Variants in DOCK7 observed in about 807,000 individuals in gnomAD.
The protein encoded by DOCK7 is dedicator of cytokinesis protein 7.
DOCK7 carries 138 observed loss-of-function variants against 271.0 expected under a neutral mutation model. The ratio of observed to expected loss-of-function variants is 0.51; its 90% CI spans 0.44 to 0.59. The LOEUF (loss-of-function observed/expected upper bound fraction) is 0.59, where lower values mean the gene tolerates loss of function less well. Ranked by LOEUF, DOCK7 falls within the 20% of genes least tolerant of loss-of-function variation. The pLI is 0.00. For missense variants in DOCK7, 2,066 were observed against 2,592.4 expected (o/e 0.80, Z 4.41); for synonymous variants, 823 against 876.1 (o/e 0.94, Z 1.07).
At chr1:62,631,509 A>G (rs971881811) in intron 10 of DOCK7, 104 bp from the exon 11 acceptor site, 11 of 1,017,290 alleles carry the variant, frequency 1.1e-5, no homozygotes, top group African/African-American at 3.3e-5. Flanking sequence ...CTCAATTCTC[A>G]GCAGAGATGA....
At chr1:62,604,499 T>C in intron 14 of DOCK7, 1 of 1,002,526 alleles carries the variant, frequency 1.0e-6, no homozygotes, top group Non-Finnish European at 1.5e-6. Context: ...TTATACAGAT[T>C]ATTTAAAACT....
intron 14 of DOCK7, among the ~76,000 whole-genome samples, chr1:62,614,847 GA>G (rs1325496450): frequency 6.6e-6 from 1 of 151,884 alleles, no homozygotes; most frequent in Non-Finnish European, 1.5e-5. Context: ...GACTTTAAGA[GA>G]AGGACTTTAA....
intron 11 of DOCK7, chr1:62,627,566 A>G (rs1654105636): frequency 6.6e-6 from 1 of 152,180 alleles, no homozygotes; most frequent in African/African-American, 2.4e-5. Flanking sequence ...ATCAATATAC[A>G]AAAGCCAATT....
intron 1 of DOCK7, among the ~76,000 whole-genome samples, chr1:62,671,813 A>T (rs1660039654): frequency 6.6e-6 from 1 of 152,130 alleles, no homozygotes; most frequent in South Asian, 2.1e-4. Context: ...AATTTTTTTA[A>T]CAGGATATAT....
intron 47 of DOCK7, among the ~76,000 whole-genome samples, chr1:62,474,969 C>T (rs972971757): frequency 2.6e-5 from 4 of 152,124 alleles, no homozygotes; most frequent in African/African-American, 9.7e-5. Context: ...ATGTACATAG[C>T]TCTGAAAATG....
chr1:62,548,013 G>A (rs569721347), intron 22 of DOCK7, among the ~76,000 whole-genome samples: 26 of 152,046 alleles, frequency 1.7e-4, no homozygotes, highest in East Asian at 5.8e-4. Flanking sequence ...CTAGTCCTGC[G>A]GTGTTAACTC....
intron 33 of DOCK7, among the ~76,000 whole-genome samples, chr1:62,512,135 T>C (rs1452345908): frequency 6.6e-6 from 1 of 152,204 alleles, no homozygotes; most frequent in East Asian, 1.9e-4. Context: ...TTACAAAACA[T>C]AGTATATAAA....
intron 16 of DOCK7, 64 bp from the exon 17 acceptor site, chr1:62,579,030 T>C: frequency 1.5e-6 from 2 of 1,342,006 alleles, no homozygotes; most frequent in Non-Finnish European, 1.9e-6. Context: ...AATGTATTTG[T>C]ATATTTGAAT....
At chr1:62,601,952 C>A in intron 14 of DOCK7, 1 of 926,740 alleles carries the variant, frequency 1.1e-6, no homozygotes, top group Non-Finnish European at 1.8e-6. Flanking sequence ...GAAGATTAAC[C>A]TGGTTATCAT....
chr1:62,653,640 GTC>G (rs1657640102), intron 4 of DOCK7, 83 bp downstream of exon 4: 1 of 839,044 alleles, frequency 1.2e-6, no homozygotes, highest in Non-Finnish European at 1.9e-6. Flanking sequence ...AAATTTTCAG[GTC>G]TCATAAACAT....
At chr1:62,498,337 C>A (rs1338725034) in intron 37 of DOCK7, among the ~76,000 whole-genome samples, 1 of 152,160 alleles carries the variant, frequency 6.6e-6, no homozygotes, top group Non-Finnish European at 1.5e-5. Flanking sequence ...CTAAAAAGCT[C>A]TATCCATTTA....
At chr1:62,604,925 TTTTTTTA>T in intron 14 of DOCK7, 1 of 1,157,938 alleles carries the variant, frequency 8.6e-7, no homozygotes, top group Non-Finnish European at 1.3e-6. Flanking sequence ...AGAAATAGAT[TTTTTTTA>T]TCTTAAAGTC....
chr1:62,614,025 T>TA (rs1481873621), intron 14 of DOCK7, among the ~76,000 whole-genome samples: 2 of 152,138 alleles, frequency 1.3e-5, no homozygotes, highest in Non-Finnish European at 2.9e-5. Context: ...TCCTTTTTTT[T>TA]AACATTATTC....
chr1:62,505,547 A>G, intron 36 of DOCK7, 135 bp downstream of exon 36: 1 of 981,648 alleles, frequency 1.0e-6, no homozygotes, highest in Admixed American at 2.9e-5. Flanking sequence ...GTCTTAGGTT[A>G]TTATTTAAAT....
At chr1:62,542,789 T>A (rs1645578931) in intron 24 of DOCK7, 86 bp from the exon 25 acceptor site, 12 of 1,315,450 alleles carry the variant, frequency 9.1e-6, no homozygotes, top group Non-Finnish European at 1.2e-5. Context: ...CAAACGAAGA[T>A]ATAATGAGAA....
At chr1:62,682,625 AT>A (rs909832010) in intron 1 of DOCK7, among the ~76,000 whole-genome samples, 5 of 152,228 alleles carry the variant, frequency 3.3e-5, no homozygotes, top group Non-Finnish European at 7.3e-5. Context: ...GAGCCCTATA[AT>A]TCAAGTACAC....
chr1:62,686,822 T>C (rs1358245850), intron 1 of DOCK7, among the ~76,000 whole-genome samples: 2 of 152,056 alleles, frequency 1.3e-5, no homozygotes, highest in Non-Finnish European at 2.9e-5. Context: ...GCCCATGCTC[T>C]TAAACACTTG....
chr1:62,470,206 T>A (rs1311340820), intron 48 of DOCK7, among the ~76,000 whole-genome samples: 2 of 152,220 alleles, frequency 1.3e-5, no homozygotes, highest in Non-Finnish European at 2.9e-5. Context: ...AGCTGTGGTG[T>A]ATACATACGA....
At chr1:62,612,099 T>C (rs2149568912) in intron 14 of DOCK7, among the ~76,000 whole-genome samples, 1 of 152,084 alleles carries the variant, frequency 6.6e-6, no homozygotes, top group South Asian at 2.1e-4. Flanking sequence ...GAGGTTGCAG[T>C]GAACCAAGAT....
Sources: allele counts gnomAD v4.1 joint callset (sites outside exome capture counted in the v4.1 genomes callset), GRCh38; gene constraint gnomAD v4.1.1; transcripts MANE v1.5; gene names NCBI Gene and HGNC (gene_info 2026-07-23, HGNC 2026-07-21).